The following CPQ variants were observed in gnomAD, a reference collection of about 807,000 sequenced individuals.
CPQ encodes carboxypeptidase Q.
CPQ carries 37 observed loss-of-function variants against 45.7 expected under a neutral mutation model. The observed-to-expected ratio is 0.81, with a 90% CI of 0.62 to 1.07. The LOEUF (loss-of-function observed/expected upper bound fraction) is 1.07, where lower values mean the gene tolerates loss of function less well. Ranked by LOEUF, CPQ falls within the 50% of genes least tolerant of loss-of-function variation. The probability of loss-of-function intolerance (pLI) is 0.00; values close to 1 mark genes in which losing one functional copy is unlikely to be tolerated. For missense variants in CPQ, 537 were observed against 572.9 expected (o/e 0.94, Z 0.64); for synonymous variants, 186 against 205.8 (o/e 0.90, Z 0.82).
At chr8:96,933,074 C>A (rs1812995442) in intron 4 of CPQ, among the ~76,000 whole-genome samples, 1 of 152,138 alleles carries the variant, frequency 6.6e-6, no homozygotes, top group African/African-American at 2.4e-5. Flanking sequence ...TCCTTGCTTG[C>A]CTCAGAGAGG....
chr8:96,720,996 A>T (rs1036271549), intron 1 of CPQ, among the ~76,000 whole-genome samples: 1 of 151,356 alleles, frequency 6.6e-6, no homozygotes, highest in Non-Finnish European at 1.5e-5. Flanking sequence ...CCAGAATGCC[A>T]GTATCTTCCA....
chr8:96,886,889 A>C (rs966286526), intron 4 of CPQ, among the ~76,000 whole-genome samples: 5 of 152,190 alleles, frequency 3.3e-5, no homozygotes, highest in Non-Finnish European at 7.3e-5. Context: ...AAGAGTTCTC[A>C]TATCTACCGT....
At chr8:96,652,303 T>C (rs185226289) in intron 1 of CPQ, among the ~76,000 whole-genome samples, 76 of 152,348 alleles carry the variant, frequency 5.0e-4, no homozygotes, top group Non-Finnish European at 9.6e-4. Flanking sequence ...AATGACAGAA[T>C]TTCCTCATTT....
At chr8:96,912,708 C>T (rs1812683106) in intron 4 of CPQ, among the ~76,000 whole-genome samples, 2 of 152,130 alleles carry the variant, frequency 1.3e-5, no homozygotes. Context: ...GTCTGACCTA[C>T]CTCGAAGGAG....
chr8:96,890,413 T>G (rs1463319559), intron 4 of CPQ, among the ~76,000 whole-genome samples: 1 of 152,162 alleles, frequency 6.6e-6, no homozygotes, highest in African/African-American at 2.4e-5. Flanking sequence ...TGGGTCGTAG[T>G]TTTTTACTTG....
intron 6 of CPQ, among the ~76,000 whole-genome samples, chr8:97,060,337 T>TA (rs993711615): frequency 6.6e-6 from 1 of 152,042 alleles, no homozygotes; most frequent in Admixed American, 6.6e-5. Flanking sequence ...GCCTGACCCT[T>TA]AAAAAAAGGA....
chr8:97,118,418 T>A (rs991739449), intron 7 of CPQ, among the ~76,000 whole-genome samples: 3 of 152,074 alleles, frequency 2.0e-5, no homozygotes, highest in African/African-American at 4.8e-5. Context: ...GGTAGGAATT[T>A]CCCATGGAAC....
At chr8:97,139,580 T>C (rs1293575426) in intron 7 of CPQ, among the ~76,000 whole-genome samples, 1 of 151,732 alleles carries the variant, frequency 6.6e-6, no homozygotes, top group African/African-American at 2.4e-5. Flanking sequence ...AAATCAATAA[T>C]GAAAAAAATA....
intron 5 of CPQ, among the ~76,000 whole-genome samples, chr8:97,027,041 G>A (rs1181725466): frequency 6.6e-6 from 1 of 151,898 alleles, no homozygotes; most frequent in Non-Finnish European, 1.5e-5. Context: ...TTCTTTTCTT[G>A]TGGATTTAAA....
At position 96,829,781 on chromosome 8, in the gene CPQ, T is replaced by A. The variant is rs528268862; in HGVS notation, c.434-5192T>A. ...TACTTTGTACTTTCATTTAGTGCTG[T>A]GACTGTTCTTTTTAAAGTTATTGTT... On this transcript the variant is annotated intron_variant, in intron 2 of 7. Coordinates refer to ENST00000220763, the MANE Select transcript of CPQ (RefSeq NM_016134.4). Among the ~76,000 whole-genome samples the A allele has an allele frequency of 2.0e-5, 3 of 152,270 alleles. No individual in the cohort carries two copies. In the South Asian group the frequency reaches 6.2e-4, roughly 32 times the overall value.
At chr8:96,720,494 T>A (rs1311471663) in intron 1 of CPQ, among the ~76,000 whole-genome samples, 1 of 152,204 alleles carries the variant, frequency 6.6e-6, no homozygotes, top group Non-Finnish European at 1.5e-5. Flanking sequence ...TTTGCTGGAA[T>A]GGTTCTGTGG....
chr8:96,933,253 A>T (rs1812997372), intron 4 of CPQ, among the ~76,000 whole-genome samples: 1 of 152,144 alleles, frequency 6.6e-6, no homozygotes, highest in South Asian at 2.1e-4. Flanking sequence ...TGGTGAGAAA[A>T]CGCCAAGTGT....
At chr8:96,696,429 C>T (rs905311325) in intron 1 of CPQ, among the ~76,000 whole-genome samples, 1 of 150,608 alleles carries the variant, frequency 6.6e-6, no homozygotes, top group Non-Finnish European at 1.5e-5. Context: ...TACCCTAAAA[C>T]TTGAAGTATA....
At chr8:96,946,326 G>A (rs999845589) in intron 4 of CPQ, among the ~76,000 whole-genome samples, 4 of 151,962 alleles carry the variant, frequency 2.6e-5, no homozygotes, top group African/African-American at 9.7e-5. Flanking sequence ...TAATTGTCAT[G>A]TTAGTTTGCT....
At chr8:96,839,916 C>G (rs1811584544) in intron 3 of CPQ, among the ~76,000 whole-genome samples, 1 of 152,150 alleles carries the variant, frequency 6.6e-6, no homozygotes, top group Non-Finnish European at 1.5e-5. Flanking sequence ...GTATTGGTAT[C>G]TCTTTTACTG....
intron 1 of CPQ, among the ~76,000 whole-genome samples, chr8:96,735,959 A>G (rs1809976961): frequency 6.6e-6 from 1 of 151,942 alleles, no homozygotes; most frequent in African/African-American, 2.4e-5. Context: ...GTTATGCAAC[A>G]GCAGTCCATT....
chr8:96,797,577 T>A (rs1040881592), intron 2 of CPQ, among the ~76,000 whole-genome samples: 1 of 152,142 alleles, frequency 6.6e-6, no homozygotes, highest in African/African-American at 2.4e-5. Context: ...TCTGATGGAT[T>A]GAAGGGAAAT....
At chr8:96,735,653 T>C (rs1809972637) in intron 1 of CPQ, among the ~76,000 whole-genome samples, 1 of 152,204 alleles carries the variant, frequency 6.6e-6, no homozygotes, top group Non-Finnish European at 1.5e-5. Flanking sequence ...TGTGGGGGTA[T>C]TCCTTCTAGT....
intron 6 of CPQ, among the ~76,000 whole-genome samples, chr8:97,048,160 C>T: frequency 6.6e-6 from 1 of 152,160 alleles, no homozygotes; most frequent in Non-Finnish European, 1.5e-5. Context: ...CACTATCAGA[C>T]AATGAGAATA....
Sources: allele counts gnomAD v4.1 joint callset (sites outside exome capture counted in the v4.1 genomes callset), GRCh38; gene constraint gnomAD v4.1.1; transcripts MANE v1.5; gene names NCBI Gene and HGNC (gene_info 2026-07-23, HGNC 2026-07-21).